Variants in LARP4B observed in about 807,000 individuals in gnomAD.
LARP4B encodes the protein La ribonucleoprotein 4B, also known as la-related protein 4B.
A neutral mutation model predicts 89.8 loss-of-function variants in LARP4B; 12 were observed. The ratio of observed to expected loss-of-function variants is 0.13; its 90% confidence interval spans 0.09 to 0.22. LARP4B has a LOEUF of 0.22. Ranked by LOEUF, LARP4B falls within the 10% of genes least tolerant of loss-of-function variation. The pLI is 1.00. For synonymous variants in LARP4B, 367 were observed against 363.3 expected (o/e 1.01, Z -0.12); for missense variants, 757 against 947.7 (o/e 0.80, Z 2.64).
chr10:843,287 T>C (rs918308526), intron 6 of LARP4B, among the ~76,000 whole-genome samples: 1 of 152,230 alleles, frequency 6.6e-6, no homozygotes, highest in Non-Finnish European at 1.5e-5. Context: ...AGTAAAAGTA[T>C]ACTGTACTTT....
In LARP4B at chr10:812,837, T is replaced by G. The variant is rs1831810002; in HGVS notation, c.*89A>C. 1 of 1,261,460 alleles carries G rather than the reference T, an allele frequency of 7.9e-7. No homozygotes were observed. Among genetic ancestry groups the G allele is most frequent in the Non-Finnish European group, 1.0e-6 (1 of 962,668 alleles). 78.1% of individuals were successfully genotyped at this position (1,261,460 alleles called of 1,614,324 possible). A position where few individuals can be genotyped will look rare whatever the true frequency, so the allele number is the denominator to read the frequency against. ...ACAGGCCTCAGACACTGCAAGCTCC[T>G]AACCAGCGGCTCGCCCTCGCACTGA... is the stretch of plus-strand genomic sequence containing the variant. On this transcript the variant is annotated 3_prime_UTR_variant, in exon 18 of 18. Transcript: ENST00000316157.
intron 1 of LARP4B, among the ~76,000 whole-genome samples, chr10:899,514 T>TA (rs1292866972): frequency 6.6e-6 from 1 of 152,236 alleles, no homozygotes; most frequent in African/African-American, 2.4e-5. Context: ...CAGAAATACA[T>TA]ATCCCACCAA....
At chr10:823,208 G>A (rs1319581888) in intron 13 of LARP4B, among the ~76,000 whole-genome samples, 4 of 152,048 alleles carry the variant, frequency 2.6e-5, no homozygotes, top group African/African-American at 9.7e-5. Flanking sequence ...CCACTGGTGC[G>A]TGCTTCCTAA....
At chr10:902,885 C>T (rs910780881) in intron 1 of LARP4B, among the ~76,000 whole-genome samples, 5 of 152,126 alleles carry the variant, frequency 3.3e-5, no homozygotes, top group Middle Eastern at 3.2e-3. Flanking sequence ...CAAGTGATCC[C>T]GCCCACCTCG....
intron 5 of LARP4B, among the ~76,000 whole-genome samples, chr10:862,605 A>G (rs1834683075): frequency 6.6e-6 from 1 of 152,072 alleles, no homozygotes; most frequent in African/African-American, 2.4e-5. Flanking sequence ...CTAAAAATAC[A>G]AAAAATTAGC....
chr10:809,199 G>C (rs141893379), downstream of LARP4B: 1 of 152,320 alleles, frequency 6.6e-6, no homozygotes, highest in Admixed American at 6.5e-5. Flanking sequence ...CCCAACGTTA[G>C]CTCCAAACAG....
At chr10:924,119 C>T (rs577588599) in intron 1 of LARP4B, among the ~76,000 whole-genome samples, 5 of 152,086 alleles carry the variant, frequency 3.3e-5, no homozygotes, top group African/African-American at 1.2e-4. Context: ...GGCATGCACC[C>T]ATGGGTCCCA....
At chr10:917,572 GTTTACA>G (rs1173497925) in intron 1 of LARP4B, among the ~76,000 whole-genome samples, 1 of 152,158 alleles carries the variant, frequency 6.6e-6, no homozygotes, top group Non-Finnish European at 1.5e-5. Context: ...CTGGTACCTT[GTTTACA>G]TGGCTCCTTT....
In LARP4B at chr10:814,119, ATTT is replaced by A. The variant is rs1831891838; in HGVS notation, c.1929+620_1929+622del. On this transcript the variant is annotated intron_variant, in intron 17 of 17. Transcript: ENST00000316157. The surrounding 1 kb of genome is among the most constrained non-coding windows in gnomAD (Gnocchi z 4.4). ...CCTGGCCTCTTTTATTATTATTATT[ATTT>A]ATTATTAAAATTATTAATTTTAACC... Among the ~76,000 whole-genome samples the A allele has an allele frequency of 6.6e-6, 1 of 151,324 alleles. No individual in the cohort carries two copies. Among genetic ancestry groups the A allele is most frequent in the Non-Finnish European group, 1.5e-5 (1 of 67,890 alleles).
intron 6 of LARP4B, among the ~76,000 whole-genome samples, chr10:844,381 G>C (rs1833674446): frequency 6.6e-6 from 1 of 152,198 alleles, no homozygotes; most frequent in African/African-American, 2.4e-5. Context: ...CACCCCACAG[G>C]CTTCAAGGAG....
rs1248011421 is a variant in LARP4B, at chr10:810,157, G to T, written c.*2769C>A. Reference sequence around the variant, plus strand: ...TCTATAACCTGAGATACTGCTGGGGGTAAAGGAGGGTGTTAACTTAAAAAA... The same window carrying T: ...TCTATAACCTGAGATACTGCTGGGGTTAAAGGAGGGTGTTAACTTAAAAAA... On this transcript the variant is annotated 3_prime_UTR_variant, in exon 18 of 18. Transcript: ENST00000316157. 2 of 151,908 alleles carry T rather than the reference G, an allele frequency of 1.3e-5. No individual in the cohort carries two copies. The highest frequency in any genetic ancestry group is 2.4e-5 in the African/African-American group (1 of 41,324). 9.4% of individuals were successfully genotyped at this position (151,908 alleles called of 1,614,324 possible).
chr10:974,880 A>G, the LARP4B span, among the ~76,000 whole-genome samples: 1 of 152,140 alleles, frequency 6.6e-6, no homozygotes, highest in Non-Finnish European at 1.5e-5. Flanking sequence ...CAAGCCTCCC[A>G]CTCTGCCATT....
intron 1 of LARP4B, among the ~76,000 whole-genome samples, chr10:925,188 G>A (rs1837103798): frequency 6.6e-6 from 1 of 152,180 alleles, no homozygotes; most frequent in South Asian, 2.1e-4. Context: ...CAGTCTCTAT[G>A]GCTTTACATA....
At chr10:931,150 CCA>C (rs1419842868) in intron 1 of LARP4B, among the ~76,000 whole-genome samples, 2 of 150,098 alleles carry the variant, frequency 1.3e-5, no homozygotes, top group South Asian at 2.1e-4. Context: ...ATCCTCAGCC[CCA>C]GTTTTCCCCT....
chr10:861,291 G>A (rs898047879), intron 5 of LARP4B, among the ~76,000 whole-genome samples: 1 of 152,172 alleles, frequency 6.6e-6, no homozygotes, highest in African/African-American at 2.4e-5. Flanking sequence ...AAACTGGGTG[G>A]ACAAAGCAAA....
chr10:957,503 G>C, the LARP4B span, among the ~76,000 whole-genome samples: 1 of 152,132 alleles, frequency 6.6e-6, no homozygotes, highest in East Asian at 1.9e-4. Context: ...TGGGATTGAT[G>C]ATGAATGTTT....
chr10:966,755 G>T, the LARP4B span, among the ~76,000 whole-genome samples: 1 of 152,218 alleles, frequency 6.6e-6, no homozygotes, highest in Non-Finnish European at 1.5e-5. Context: ...CTGACGCCTG[G>T]AGAAGGTGTG....
chr10:840,448 C>G (rs1283474736), intron 7 of LARP4B, among the ~76,000 whole-genome samples: 4 of 152,148 alleles, frequency 2.6e-5, no homozygotes, highest in Non-Finnish European at 5.9e-5. Context: ...TCACCTTGCA[C>G]AAATTTGGAA....
At chr10:821,601 A>C in intron 13 of LARP4B, among the ~76,000 whole-genome samples, 1 of 152,234 alleles carries the variant, frequency 6.6e-6, no homozygotes, top group Non-Finnish European at 1.5e-5. Flanking sequence ...ATCTCAATGG[A>C]TAATTTAATG....
Sources: allele counts gnomAD v4.1 joint callset (sites outside exome capture counted in the v4.1 genomes callset), GRCh38; gene constraint gnomAD v4.1.1; non-coding constraint Gnocchi (gnomAD v3.1); transcripts MANE v1.5; gene names NCBI Gene and HGNC (gene_info 2026-07-23, HGNC 2026-07-21).